Variants in SPHKAP observed in about 807,000 individuals in gnomAD.
The protein encoded by SPHKAP is SPHK1 interactor, AKAP domain containing.
Under a neutral mutation model 137.5 loss-of-function variants are expected in SPHKAP, and 67 were observed. That is an observed-to-expected ratio of 0.49 (90% CI 0.40 to 0.60). The LOEUF (loss-of-function observed/expected upper bound fraction) is 0.60. Ranked by LOEUF, SPHKAP falls within the 20% of genes least tolerant of loss-of-function variation. The pLI is 0.00. For synonymous variants in SPHKAP, 813 were observed against 785.3 expected (o/e 1.04, Z -0.59); for missense variants, 2,097 against 2,069.3 (o/e 1.01, Z -0.26).
At chr2:228,070,005 T>C (rs1696955681) in intron 3 of SPHKAP, among the ~76,000 whole-genome samples, 1 of 152,186 alleles carries the variant, frequency 6.6e-6, no homozygotes, top group East Asian at 1.9e-4. Flanking sequence ...GCCTATGCGC[T>C]AGCTGGAAAA....
chr2:228,025,304 T>C, intron 5 of SPHKAP, 90 bp downstream of exon 5: 2 of 1,301,990 alleles, frequency 1.5e-6, no homozygotes, highest in Non-Finnish European at 2.1e-6. Context: ...TACAGAAGCT[T>C]ATGTGTAGCA....
In SPHKAP at chr2:228,019,568, A is replaced by G. The variant is rs1296817245; in HGVS notation, c.1286T>C (p.Leu429Pro). The change falls in exon 7 of 12, where the codon CTT becomes CCT. Residue 429 changes from leucine to proline, a missense_variant. By Grantham distance (98) the Leu-to-Pro change is moderately conservative. Transcript: ENST00000392056. ...AVSVSVGSSL[L>P]PSCYSTKDTV... is the part of the protein sequence containing the mutation. The stretch of plus-strand genomic sequence containing the variant: ...ATCTTTTGTGGAATAGCAACTGGGA[A>G]GCAGAGAACTTCCTACAGAAACACT... 4 of 1,614,218 alleles carry G rather than the reference A, an allele frequency of 2.5e-6. No homozygotes were observed. In the South Asian group the frequency reaches 4.4e-5, roughly 18 times the overall value.
intron 9 of SPHKAP, chr2:227,991,868 A>G (rs570415847): frequency 3.5e-6 from 1 of 285,004 alleles, no homozygotes; most frequent in East Asian, 1.8e-4. Context: ...GCAGAACTTA[A>G]ATTTGACAGC....
chr2:228,158,384 G>A (rs1288411802), intron 1 of SPHKAP, among the ~76,000 whole-genome samples: 1 of 140,764 alleles, frequency 7.1e-6, no homozygotes, highest in Non-Finnish European at 1.5e-5. Context: ...ATAGTGCCAA[G>A]AGAGCAATTG....
Position 227,990,980 on chromosome 2 carries a change from C to G in SPHKAP, c.4959+20G>C, listed in dbSNP as rs768028563. 12 of 1,609,864 alleles carry G rather than the reference C, an allele frequency of 7.5e-6. No homozygotes were observed. In the South Asian group the frequency reaches 1.1e-4, roughly 15 times the overall value. The stretch of plus-strand genomic sequence containing the variant: ...TGAAAACACAAAGCTTTCTTGTTTT[C>G]CAAACCTGGTACATGATACCTTTTC... On this transcript the variant is annotated intron_variant, in intron 11 of 11. Coordinates refer to ENST00000392056, the MANE Select transcript of SPHKAP (RefSeq NM_001142644.2).
chr2:228,015,168 G>A (rs1165363051), intron 7 of SPHKAP, among the ~76,000 whole-genome samples: 1 of 149,608 alleles, frequency 6.7e-6, no homozygotes, highest in Non-Finnish European at 1.5e-5. Context: ...AGAACATGCA[G>A]TGTTTGGTTT....
chr2:228,108,783 C>T, intron 3 of SPHKAP, 49 bp downstream of exon 3: 1 of 1,380,330 alleles, frequency 7.2e-7, no homozygotes. Flanking sequence ...GTACATGTGC[C>T]CGCTTCCCTG....
chr2:228,048,226 CAGG>C (rs891681168), intron 3 of SPHKAP, among the ~76,000 whole-genome samples: 6 of 151,958 alleles, frequency 3.9e-5, no homozygotes, highest in African/African-American at 1.2e-4. Flanking sequence ...AGCTTGCTTA[CAGG>C]AGATCAACCC....
At chr2:228,178,835 C>T (rs1700815659) in intron 1 of SPHKAP, among the ~76,000 whole-genome samples, 1 of 151,720 alleles carries the variant, frequency 6.6e-6, no homozygotes. Context: ...TAATTTACTG[C>T]ACCTTTAAAA....
chr2:228,131,765 G>A, intron 2 of SPHKAP: 1 of 984,000 alleles, frequency 1.0e-6, no homozygotes, highest in South Asian at 4.7e-5. Flanking sequence ...TAGTATGGCA[G>A]TGGAGGCTTA....
chr2:228,130,659 T>C (rs1427716511), intron 2 of SPHKAP, among the ~76,000 whole-genome samples: 2 of 152,268 alleles, frequency 1.3e-5, no homozygotes, highest in East Asian at 3.9e-4. Flanking sequence ...GTACAGCATA[T>C]GATGAAGCAT....
At chr2:228,149,877 G>T (rs1205509774) in intron 1 of SPHKAP, among the ~76,000 whole-genome samples, 1 of 151,992 alleles carries the variant, frequency 6.6e-6, no homozygotes, top group Non-Finnish European at 1.5e-5. Context: ...AAATAAACTG[G>T]AAATGCTCAG....
At chr2:228,098,697 G>A (rs1482890876) in intron 3 of SPHKAP, among the ~76,000 whole-genome samples, 1 of 151,252 alleles carries the variant, frequency 6.6e-6, no homozygotes, top group Non-Finnish European at 1.5e-5. Flanking sequence ...CACCAACATG[G>A]CACATGTATA....
intron 2 of SPHKAP, among the ~76,000 whole-genome samples, chr2:228,110,373 A>C (rs1698481165): frequency 1.3e-5 from 2 of 152,242 alleles, no homozygotes; most frequent in South Asian, 2.1e-4. Context: ...TTATTATATT[A>C]GTGATAAATT....
chr2:228,134,562 C>T (rs764469095), intron 1 of SPHKAP, among the ~76,000 whole-genome samples: 22 of 152,184 alleles, frequency 1.4e-4, no homozygotes, highest in Non-Finnish European at 2.8e-4. Flanking sequence ...TCTTTGAATG[C>T]TTTCTTGTCC....
chr2:227,987,015 C>T (rs1259087510), intron 11 of SPHKAP, among the ~76,000 whole-genome samples: 1 of 152,212 alleles, frequency 6.6e-6, no homozygotes, highest in African/African-American at 2.4e-5. Flanking sequence ...GTAGGATTTT[C>T]AGCAATCTTT....
At chr2:228,132,140 G>T in intron 1 of SPHKAP, 55 bp from the exon 2 acceptor site, 1 of 1,401,664 alleles carries the variant, frequency 7.1e-7, no homozygotes, top group Non-Finnish European at 1.0e-6. Context: ...TCTATATTTG[G>T]AAATAAATAA....
chr2:227,981,358 A>T lies in SPHKAP; in HGVS notation c.*359T>A. 6.2e-6 allele frequency: 1 copy of T among 160,478 alleles called. No individual in the cohort carries two copies. Among genetic ancestry groups the T allele is most frequent in the Non-Finnish European group, 1.4e-5 (1 of 73,736 alleles). The allele number at this position is 160,478 out of a possible 1,614,324, so 9.9% of individuals were successfully genotyped here. On this transcript the variant is annotated 3_prime_UTR_variant, in exon 12 of 12. Transcript: ENST00000392056. ...CACTGAGTTTGTTTCTAGTTGATTC[A>T]TCTAATTAGAGACATTACAAATCAT...
chr2:227,999,245 T>C (rs1257557362), intron 7 of SPHKAP, among the ~76,000 whole-genome samples: 4 of 152,218 alleles, frequency 2.6e-5, no homozygotes. Context: ...TCCAGTATGC[T>C]ATGCTGCTAA....
Sources: allele counts gnomAD v4.1 joint callset (sites outside exome capture counted in the v4.1 genomes callset), GRCh38; gene constraint gnomAD v4.1.1; transcripts MANE v1.5; gene names NCBI Gene and HGNC (gene_info 2026-07-23, HGNC 2026-07-21).